The following NRG3 variants were observed in gnomAD, a reference collection of about 807,000 sequenced individuals.
NRG3 encodes neuregulin 3.
Under a neutral mutation model 66.9 loss-of-function variants are expected in NRG3, and 31 were observed. The ratio of observed to expected loss-of-function variants is 0.46; its 90% CI spans 0.35 to 0.63. The LOEUF is 0.63. Among genes scored for constraint, NRG3 ranks in the 20% least tolerant of loss-of-function variants. The pLI is 0.00. For missense variants in NRG3, 910 were observed against 878.9 expected (o/e 1.04, Z -0.45); for synonymous variants, 393 against 359.4 (o/e 1.09, Z -1.06).
At chr10:82,077,045 A>G (rs894574885) in intron 1 of NRG3, among the ~76,000 whole-genome samples, 6 of 152,184 alleles carry the variant, frequency 3.9e-5, no homozygotes, top group African/African-American at 1.4e-4. Context: ...GCAACCCTAG[A>G]ATAAAATTTT....
intron 2 of NRG3, among the ~76,000 whole-genome samples, chr10:82,519,151 G>A (rs1346090525): frequency 2.0e-5 from 3 of 152,166 alleles, no homozygotes; most frequent in African/African-American, 7.2e-5. Flanking sequence ...CTTTGTCCCT[G>A]GAGATCTGAT....
chr10:82,642,685 G>A (rs770687636), intron 2 of NRG3, among the ~76,000 whole-genome samples: 44 of 151,514 alleles, frequency 2.9e-4, no homozygotes, highest in Admixed American at 6.6e-4. Context: ...AAACCTACAG[G>A]GTAAAAGAAA....
At position 82,959,029 on chromosome 10, in the gene NRG3, T is replaced by G. The variant is rs774230167; in HGVS notation, c.1238T>G (p.Met413Arg). The change falls in exon 6 of 9, where the codon ATG (methionine) becomes AGG (arginine). Residue 413 changes from methionine to arginine, a missense_variant. Met to Arg is a moderately conservative substitution (Grantham distance 91). Transcript: ENST00000372141. ...TACAGTCTCAAAGCATCCAGCACAA[T>G]GGCAAAGTCAGAGAACTTGGTGAAG... ...KSYSLKASST[M>R]AKSENLVKSH... 6.2e-7 allele frequency: 1 copy of G among 1,607,360 alleles called. No individual in the cohort carries two copies.
rs529866126 is a variant in NRG3, at chr10:82,941,121, G to A, written c.1055-10348G>A. ...TCTGCACTTGGATGGTGGGACTGGA[G>A]GCCCCCCACCCCCAGGCAGCTTTCT... On this transcript the variant is annotated intron_variant, in intron 4 of 8. Coordinates refer to ENST00000372141, the MANE Select transcript of NRG3 (RefSeq NM_001010848.4). Among the ~76,000 whole-genome samples the A allele has an allele frequency of 6.6e-5, 10 of 152,134 alleles. No homozygotes were observed. The East Asian group carries it at 2.0e-3, about 30-fold the overall frequency.
chr10:82,216,508 A>ACACACATATATG (rs2075687820), intron 1 of NRG3, among the ~76,000 whole-genome samples: 1 of 148,082 alleles, frequency 6.8e-6, no homozygotes, highest in Non-Finnish European at 1.5e-5. Context: ...ATACATATAC[A>ACACACATATATG]CACACATATA....
chr10:82,492,947 A>C (rs1843282949), intron 2 of NRG3, among the ~76,000 whole-genome samples: 1 of 152,176 alleles, frequency 6.6e-6, no homozygotes, highest in South Asian at 2.1e-4. Flanking sequence ...CTTTGTATTC[A>C]GTTTTAAACA....
At chr10:81,989,237 G>A (rs1161078222) in intron 1 of NRG3, among the ~76,000 whole-genome samples, 3 of 152,054 alleles carry the variant, frequency 2.0e-5, no homozygotes. Flanking sequence ...TCTGTTGGGA[G>A]ATGCACATTA....
At chr10:82,391,579 G>A (rs2086368407) in intron 2 of NRG3, among the ~76,000 whole-genome samples, 1 of 152,010 alleles carries the variant, frequency 6.6e-6, no homozygotes, top group South Asian at 2.1e-4. Context: ...AAAGCTCTTT[G>A]CCATGGAATC....
chr10:82,157,390 A>C (rs928574711), intron 1 of NRG3, among the ~76,000 whole-genome samples: 1 of 151,752 alleles, frequency 6.6e-6, no homozygotes, highest in African/African-American at 2.4e-5. Flanking sequence ...AATGAGCCAA[A>C]GGAATCGGTT....
intron 2 of NRG3, among the ~76,000 whole-genome samples, chr10:82,443,436 A>C (rs1314426397): frequency 6.6e-6 from 1 of 152,228 alleles, no homozygotes; most frequent in Non-Finnish European, 1.5e-5. Context: ...GACAATTACA[A>C]TAATGCAGAT....
chr10:82,609,275 G>A (rs1403490703), intron 2 of NRG3, among the ~76,000 whole-genome samples: 4 of 152,096 alleles, frequency 2.6e-5, no homozygotes, highest in Admixed American at 6.6e-5. Context: ...AAAATAACGT[G>A]ATTCTATCCT....
chr10:82,506,632 A>G (rs1753364253), intron 2 of NRG3, among the ~76,000 whole-genome samples: 2 of 152,066 alleles, frequency 1.3e-5, no homozygotes, highest in Admixed American at 6.5e-5. Flanking sequence ...TGTGATATGT[A>G]GAATCAATTC....
At chr10:81,973,782 A>T (rs2060015661) in intron 1 of NRG3, among the ~76,000 whole-genome samples, 1 of 152,136 alleles carries the variant, frequency 6.6e-6, no homozygotes, top group African/African-American at 2.4e-5. Flanking sequence ...AATATGTTTA[A>T]GTTCCTTACA....
chr10:82,774,574 C>A (rs577643006), intron 3 of NRG3, among the ~76,000 whole-genome samples: 7 of 151,932 alleles, frequency 4.6e-5, no homozygotes, highest in Middle Eastern at 3.4e-3. Context: ...TTCACAATAG[C>A]CGATTATGAT....
intron 2 of NRG3, among the ~76,000 whole-genome samples, chr10:82,401,538 A>G (rs1363763181): frequency 1.3e-5 from 2 of 152,118 alleles, no homozygotes; most frequent in Non-Finnish European, 2.9e-5. Context: ...GATCATGTAG[A>G]TCACACAGTA....
At chr10:82,575,957 A>G (rs1488352426) in intron 2 of NRG3, among the ~76,000 whole-genome samples, 1 of 151,704 alleles carries the variant, frequency 6.6e-6, no homozygotes, top group Non-Finnish European at 1.5e-5. Context: ...CTAAGTAAGG[A>G]GGATCAAAAA....
In NRG3 at chr10:81,953,189, CA is replaced by C. The variant is rs555649260; in HGVS notation, c.823+77027del. On this transcript the variant is annotated intron_variant, in intron 1 of 8. Transcript: ENST00000372141. ...GTGATCCTGTGGCTAGGTAGATACC[CA>C]CAATAGAACTAGCTGTTTGTCTCCA... 8.5e-5 allele frequency among the ~76,000 whole-genome samples: 13 copies of C among 152,260 alleles called. No homozygotes were observed. The East Asian group carries it at 2.5e-3, about 29-fold the overall frequency.
intron 1 of NRG3, among the ~76,000 whole-genome samples, chr10:82,273,583 A>T (rs1158414328): frequency 2.0e-5 from 3 of 152,044 alleles, no homozygotes; most frequent in Non-Finnish European, 4.4e-5. Context: ...ATTTTGAGTG[A>T]GCTTTTGAAG....
intron 1 of NRG3, among the ~76,000 whole-genome samples, chr10:82,064,517 A>G (rs2347335): frequency 0.8 from 121,774 of 152,050 alleles, 48,859 homozygotes; most frequent in South Asian, 0.87. Flanking sequence ...ACGCGTTGAA[A>G]AAAAAAGCAT....
Sources: allele counts gnomAD v4.1 joint callset (sites outside exome capture counted in the v4.1 genomes callset), GRCh38; gene constraint gnomAD v4.1.1; transcripts MANE v1.5; gene names NCBI Gene and HGNC (gene_info 2026-07-23, HGNC 2026-07-21).